The following SEMA4B variants were observed in gnomAD, a reference collection of about 807,000 sequenced individuals.
SEMA4B encodes semaphorin 4B.
Under a neutral mutation model 88.1 loss-of-function variants are expected in SEMA4B, and 55 were observed. That is an observed-to-expected ratio of 0.62 (90% CI 0.50 to 0.78). The LOEUF (loss-of-function observed/expected upper bound fraction) is 0.78, where lower values mean the gene tolerates loss of function less well. Ranked by LOEUF, SEMA4B falls within the 30% of genes least tolerant of loss-of-function variation. The pLI, the probability that SEMA4B is intolerant of heterozygous loss-of-function variation, is 0.00. For synonymous variants in SEMA4B, 525 were observed against 473.6 expected (o/e 1.11, Z -1.41); for missense variants, 1,062 against 1,111.9 (o/e 0.96, Z 0.64).
At chr15:90,198,986 G>C (rs1246727232), upstream of SEMA4B, among the ~76,000 whole-genome samples, 1 of 152,196 alleles carries the variant, frequency 6.6e-6, no homozygotes, top group Non-Finnish European at 1.5e-5. Flanking sequence ...CAATTCTCCT[G>C]CCTCAGCCTC....
intron 1 of SEMA4B, among the ~76,000 whole-genome samples, chr15:90,214,116 CG>C (rs909624332): frequency 2.0e-4 from 30 of 151,216 alleles, no homozygotes; most frequent in African/African-American, 7.3e-4. Flanking sequence ...CTGAGGCAGG[CG>C]GATCACCTGA....
chr15:90,224,706 G>A (rs775532179), intron 9 of SEMA4B, among the ~76,000 whole-genome samples: 12 of 152,182 alleles, frequency 7.9e-5, no homozygotes, highest in Non-Finnish European at 1.5e-4. Flanking sequence ...GGTTCTTGAG[G>A]CCCCTGGGCA....
At chr15:90,214,328 C>CAA (rs11289702) in intron 1 of SEMA4B, among the ~76,000 whole-genome samples, 4 of 89,242 alleles carry the variant, frequency 4.5e-5, no homozygotes, top group Non-Finnish European at 8.9e-5. Flanking sequence ...AACTCCGTCT[C>CAA]AAAAAAAAAA....
At chr15:90,221,538 G>T (rs557396016) in intron 6 of SEMA4B, 58 bp downstream of exon 6, 1 of 1,607,924 alleles carries the variant, frequency 6.2e-7, no homozygotes, top group Admixed American at 1.7e-5. Flanking sequence ...AGCCCTAGAA[G>T]GGGGCACTTT....
intron 9 of SEMA4B, among the ~76,000 whole-genome samples, chr15:90,224,230 C>G (rs905187563): frequency 1.3e-5 from 2 of 152,252 alleles, no homozygotes; most frequent in Non-Finnish European, 2.9e-5. Flanking sequence ...AGGGCACTTG[C>G]TGCAGGCTGT....
chr15:90,194,887 A>G (rs1161887701), intron 1 of SEMA4B, among the ~76,000 whole-genome samples: 1 of 152,234 alleles, frequency 6.6e-6, no homozygotes, highest in Non-Finnish European at 1.5e-5. Context: ...AGTTGTAGAC[A>G]TCGTGACATT....
chr15:90,224,948 A>G lies in SEMA4B; in HGVS notation c.1195-20A>G, dbSNP rs774790463. On this transcript the variant is annotated intron_variant, in intron 9 of 13. Transcript: ENST00000411539. ...CACCCCGAGGTGTGGCTGGCCTCACACTGCTGCTTTCTCCTCCAGTGCATC... is the reference window on the plus strand; with the variant it reads ...CACCCCGAGGTGTGGCTGGCCTCACGCTGCTGCTTTCTCCTCCAGTGCATC... The G allele has an allele frequency of 1.3e-5, 21 of 1,610,572 alleles. No homozygotes were observed. The highest frequency in any genetic ancestry group is 6.7e-5 in the Admixed American group (4 of 59,990).
chr15:90,194,165 A>G (rs546330495), intron 1 of SEMA4B, among the ~76,000 whole-genome samples: 1 of 152,080 alleles, frequency 6.6e-6, no homozygotes, highest in Non-Finnish European at 1.5e-5. Context: ...TAATAGTCTT[A>G]TGGATAATAT....
intron 1 of SEMA4B, among the ~76,000 whole-genome samples, chr15:90,190,784 T>C (rs1307026988): frequency 6.6e-6 from 1 of 151,850 alleles, no homozygotes; most frequent in African/African-American, 2.4e-5. Context: ...TCTGTGTGCA[T>C]GTGTGTGTAT....
intron 1 of SEMA4B, among the ~76,000 whole-genome samples, chr15:90,214,059 C>T (rs190910520): frequency 2.0e-5 from 3 of 152,242 alleles, no homozygotes; most frequent in East Asian, 1.9e-4. Context: ...AGCTGAGCTT[C>T]GGCTGGGCGC....
intron 1 of SEMA4B, among the ~76,000 whole-genome samples, chr15:90,185,698 G>A (rs1385730772): frequency 1.3e-5 from 2 of 152,148 alleles, no homozygotes; most frequent in Admixed American, 6.5e-5. Flanking sequence ...TTCCTCTAAA[G>A]GTTGAAATGC....
At chr15:90,197,990 G>A (rs1296456227), upstream of SEMA4B, among the ~76,000 whole-genome samples, 1 of 149,778 alleles carries the variant, frequency 6.7e-6, no homozygotes, top group Non-Finnish European at 1.5e-5. Context: ...GCAGTGGCGT[G>A]ATCTCGGCTC....
rs553377312 is a variant in SEMA4B at position 90,188,489 on chromosome 15, A to G, written c.-122+3408A>G. 1.1e-3 allele frequency among the ~76,000 whole-genome samples: 168 copies of G among 151,962 alleles called. 1 individual carries two copies. Among genetic ancestry groups the G allele is most frequent in the South Asian group, 2.1e-3 (10 of 4,796 alleles). ...CTAAAAATACAAAAATTAGCCAGGC[A>G]TGGTGGCGCATGCCTGTAATCCCAG... On this transcript the variant is annotated intron_variant, in intron 1 of 14. Coordinates refer to the SEMA4B transcript ENST00000332496.
chr15:90,188,133 A>G (rs1199838581), intron 1 of SEMA4B, among the ~76,000 whole-genome samples: 1 of 151,862 alleles, frequency 6.6e-6, no homozygotes, highest in Non-Finnish European at 1.5e-5. Flanking sequence ...AGCCTGGGCA[A>G]CATGGTGAAA....
At chr15:90,214,305 A>G (rs6496646) in intron 1 of SEMA4B, among the ~76,000 whole-genome samples, 101,926 of 142,048 alleles carry the variant, frequency 0.72, 37,434 homozygotes, top group East Asian at 0.94. Flanking sequence ...TCCAGCCTGG[A>G]CAACAAGAGA....
At position 90,223,595 on chromosome 15, in the gene SEMA4B, T is replaced by G; in HGVS notation, c.898T>G (p.Trp300Gly). The G allele has an allele frequency of 6.2e-7, 1 of 1,611,260 alleles. No individual in the cohort carries two copies. The highest frequency in any genetic ancestry group is 8.5e-7 in the Non-Finnish European group (1 of 1,178,526). The stretch of plus-strand genomic sequence containing the variant: ...TGGAGAGCGGGTGCTACAGCAGCGC[T>G]GGACCTCCTTCCTCAAGGCCCAGCT... ...EGGERVLQQR[W>G]TSFLKAQLLC... The change falls in exon 8 of 14, where the codon TGG (tryptophan) becomes GGG (glycine). Residue 300 changes from tryptophan (W) to glycine (G), a missense_variant. Transcript: ENST00000411539.
chr15:90,205,475 C>T (rs1960944883), intron 1 of SEMA4B, among the ~76,000 whole-genome samples: 1 of 152,246 alleles, frequency 6.6e-6, no homozygotes, highest in African/African-American at 2.4e-5. Flanking sequence ...TGTAAAGTAG[C>T]TTGCCACCCT....
chr15:90,201,358 G>C lies in SEMA4B; in HGVS notation c.-221G>C. Reference sequence around the variant, plus strand: ...TGCGGGTGAGCTCTGCCCAAGCCGAGGCTGCGGGGCCGGCGCCGGCGGGAG... The same window carrying C: ...TGCGGGTGAGCTCTGCCCAAGCCGACGCTGCGGGGCCGGCGCCGGCGGGAG... On this transcript the variant is annotated 5_prime_UTR_variant, in exon 1 of 14. Coordinates refer to ENST00000411539, the MANE Select transcript of SEMA4B (RefSeq NM_198925.4). 1 of 1,244,890 alleles carries C rather than the reference G, an allele frequency of 8.0e-7. No homozygotes were observed. The highest frequency in any genetic ancestry group is 1.0e-6 in the Non-Finnish European group (1 of 994,230). The allele number at this position is 1,244,890 out of a possible 1,614,324, so 77.1% of individuals were successfully genotyped here. A position where few individuals can be genotyped will look rare whatever the true frequency, so the allele number is the denominator to read the frequency against.
rs760265831 is a variant in SEMA4B at position 90,219,762 on chromosome 15, G to A, written c.385-31G>A. 3.2e-6 allele frequency: 5 copies of A among 1,575,670 alleles called. No individual in the cohort carries two copies. The Admixed American group carries it at 6.8e-5, about 21-fold the overall frequency. On this transcript the variant is annotated intron_variant, in intron 3 of 13. Transcript: ENST00000411539. ...CCCCCTGGTGGCATGCTTGGGCGTG[G>A]GACTGATATCCCCTCGCTCCTTCCC...
Sources: gnomAD v4.1 joint callset for allele counts (sites outside exome capture counted in the v4.1 genomes callset) on GRCh38, gnomAD v4.1.1 for gene constraint, MANE v1.5 for transcripts, NCBI Gene and HGNC (gene_info 2026-07-23, HGNC 2026-07-21) for gene names.